The following CLSTN2 variants were observed in gnomAD, a reference collection of about 807,000 sequenced individuals.
The protein encoded by CLSTN2 is calsyntenin 2.
CLSTN2 carries 48 observed loss-of-function variants against 101.2 expected under a neutral mutation model. The ratio of observed to expected loss-of-function variants is 0.47; its 90% CI spans 0.38 to 0.60. The LOEUF is 0.60. Among genes scored for constraint, CLSTN2 ranks in the 20% least tolerant of loss-of-function variants. The probability of loss-of-function intolerance (pLI) is 0.00; values close to 1 mark genes in which losing one functional copy is unlikely to be tolerated. For missense variants in CLSTN2, 1,160 were observed against 1,238.2 expected, an observed-to-expected ratio of 0.94 and a Z score of 0.95; for synonymous variants, 481 against 463.6, an observed-to-expected ratio of 1.04 and a Z score of -0.48.
intron 1 of CLSTN2, among the ~76,000 whole-genome samples, chr3:140,037,882 C>T (rs905322143): frequency 5.3e-5 from 8 of 152,120 alleles, no homozygotes; most frequent in Non-Finnish European, 1.0e-4. Context: ...GATCTTGCTC[C>T]TTTATATGGC....
intron 2 of CLSTN2, among the ~76,000 whole-genome samples, chr3:140,388,991 T>G (rs2088083220): frequency 6.6e-6 from 1 of 152,248 alleles, no homozygotes; most frequent in Admixed American, 6.5e-5. Flanking sequence ...TTTATCCTGT[T>G]AATGTGATTA....
Position 140,483,249 on chromosome 3 carries a change from G to A in CLSTN2, c.1344+16518G>A, listed in dbSNP as rs150284833. ...TTGCTTGGTTTCCATGTAGTTGAGC[G>A]GTTTTGAGTGCGTTTCTTAATCCTG... On this transcript the variant is annotated intron_variant, in intron 8 of 16. Coordinates refer to ENST00000458420, the MANE Select transcript of CLSTN2 (RefSeq NM_022131.3). 1.2e-3 allele frequency among the ~76,000 whole-genome samples: 176 copies of A among 152,162 alleles called. 3 individuals are homozygous for A. Among genetic ancestry groups the A allele is most frequent in the African/African-American group, 4.0e-3 (167 of 41,526 alleles).
intron 2 of CLSTN2, among the ~76,000 whole-genome samples, chr3:140,305,029 C>T (rs2107912395): frequency 7.3e-6 from 1 of 137,886 alleles, no homozygotes; most frequent in South Asian, 2.4e-4. Context: ...CAGAGACACA[C>T]ACACACACAC....
At chr3:140,338,159 A>T (rs1040710649) in intron 2 of CLSTN2, among the ~76,000 whole-genome samples, 1 of 152,128 alleles carries the variant, frequency 6.6e-6, no homozygotes, top group African/African-American at 2.4e-5. Context: ...GGGCCCTGGG[A>T]CAGCACCAGC....
chr3:140,312,407 T>A (rs954832779), intron 2 of CLSTN2, among the ~76,000 whole-genome samples: 2 of 152,232 alleles, frequency 1.3e-5, no homozygotes, highest in Non-Finnish European at 2.9e-5. Flanking sequence ...CTGAGGAATC[T>A]TTTTTCTCTT....
At chr3:139,968,240 C>T (rs558912531) in intron 1 of CLSTN2, among the ~76,000 whole-genome samples, 154 of 152,212 alleles carry the variant, frequency 1.0e-3, no homozygotes, top group African/African-American at 3.7e-3. Context: ...ACTTTGTTCC[C>T]TTGGAACAGT....
intron 2 of CLSTN2, among the ~76,000 whole-genome samples, chr3:140,199,195 T>C (rs997475828): frequency 3.3e-5 from 5 of 152,200 alleles, no homozygotes; most frequent in Admixed American, 3.3e-4. Context: ...TCAGACTTTT[T>C]CTCCCACTTT....
intron 5 of CLSTN2, among the ~76,000 whole-genome samples, chr3:140,442,998 A>C (rs11712249): frequency 0.34 from 51,461 of 152,150 alleles, 10,554 homozygotes; most frequent in Middle Eastern, 0.48. Context: ...TCCCTCAGAG[A>C]AAGTCCTAAA....
intron 5 of CLSTN2, among the ~76,000 whole-genome samples, chr3:140,447,047 C>T (rs1307249943): frequency 6.6e-6 from 1 of 152,194 alleles, no homozygotes; most frequent in African/African-American, 2.4e-5. Flanking sequence ...TCCAAGATAC[C>T]GGTATCACCA....
intron 1 of CLSTN2, among the ~76,000 whole-genome samples, chr3:140,122,854 A>C (rs2009366134): frequency 1.3e-5 from 2 of 152,130 alleles, no homozygotes; most frequent in South Asian, 4.1e-4. Context: ...TTCTTTTATA[A>C]TACTTCGTAA....
intron 1 of CLSTN2, among the ~76,000 whole-genome samples, chr3:140,088,317 A>G (rs993196848): frequency 1.3e-5 from 2 of 152,182 alleles, no homozygotes; most frequent in African/African-American, 2.4e-5. Context: ...TGGCCAGACA[A>G]TGAGTTCCAG....
chr3:140,403,284 A>C (rs2088263897), intron 2 of CLSTN2, among the ~76,000 whole-genome samples: 1 of 152,056 alleles, frequency 6.6e-6, no homozygotes, highest in Non-Finnish European at 1.5e-5. Context: ...GAAAATGGAG[A>C]AGTGGGGGAG....
chr3:140,526,479 G>T (rs1429677965), intron 8 of CLSTN2, among the ~76,000 whole-genome samples: 1 of 151,736 alleles, frequency 6.6e-6, no homozygotes, highest in Non-Finnish European at 1.5e-5. Flanking sequence ...CATTAAAATG[G>T]CCATACTGCC....
chr3:140,061,278 T>A (rs750214542), intron 1 of CLSTN2, among the ~76,000 whole-genome samples: 1 of 152,222 alleles, frequency 6.6e-6, no homozygotes, highest in South Asian at 2.1e-4. Flanking sequence ...ACACATTTCC[T>A]TTATCTGGAG....
At chr3:140,229,046 C>T (rs1421301763) in intron 2 of CLSTN2, among the ~76,000 whole-genome samples, 1 of 152,138 alleles carries the variant, frequency 6.6e-6, no homozygotes, top group Non-Finnish European at 1.5e-5. Flanking sequence ...TAGAGATTCT[C>T]CTGGTCTTCC....
intron 1 of CLSTN2, among the ~76,000 whole-genome samples, chr3:140,057,258 G>A (rs1379802417): frequency 6.6e-6 from 1 of 152,206 alleles, no homozygotes; most frequent in Non-Finnish European, 1.5e-5. Flanking sequence ...TGAGCCCAGT[G>A]CTCCTAACCC....
chr3:140,160,686 G>A (rs2010031629), intron 1 of CLSTN2, among the ~76,000 whole-genome samples: 1 of 151,592 alleles, frequency 6.6e-6, no homozygotes, highest in Admixed American at 6.6e-5. Context: ...TGGTGTATAA[G>A]AAAACCAAAA....
intron 2 of CLSTN2, among the ~76,000 whole-genome samples, chr3:140,377,022 C>CAGAGAGAGAGAG (rs1553738103): frequency 2.7e-5 from 4 of 148,722 alleles, no homozygotes; most frequent in African/African-American, 1.0e-4. Context: ...CACACATACA[C>CAGAGAGAGAGAG]AGAGAGAGAG....
intron 2 of CLSTN2, among the ~76,000 whole-genome samples, chr3:140,394,007 G>A (rs1478763257): frequency 6.6e-6 from 1 of 152,152 alleles, no homozygotes; most frequent in Non-Finnish European, 1.5e-5. Context: ...ATCAGCAGGA[G>A]GGCTGGGAGT....
Sources: gnomAD v4.1 joint callset for allele counts (sites outside exome capture counted in the v4.1 genomes callset) on GRCh38, gnomAD v4.1.1 for gene constraint, MANE v1.5 for transcripts, NCBI Gene and HGNC (gene_info 2026-07-23, HGNC 2026-07-21) for gene names.